The following SLC25A51 variants were observed in gnomAD, a reference collection of about 807,000 sequenced individuals.
SLC25A51 encodes the protein mitochondrial nicotinamide adenine dinucleotide transporter SLC25A51.
A neutral mutation model predicts 19.1 loss-of-function variants in SLC25A51; 11 were observed. The ratio of observed to expected loss-of-function variants is 0.58; its 90% CI spans 0.36 to 0.96. SLC25A51 has a LOEUF of 0.96. Ranked by LOEUF, SLC25A51 falls within the 40% of genes least tolerant of loss-of-function variation. The probability of loss-of-function intolerance (pLI) is 0.01; values close to 1 mark genes in which losing one functional copy is unlikely to be tolerated. For missense variants in SLC25A51, 201 were observed against 365.4 expected (o/e 0.55, Z 3.67); for synonymous variants, 105 against 133.6 (o/e 0.79, Z 1.47).
downstream of SLC25A51, among the ~76,000 whole-genome samples, chr9:37,884,638 A>G (rs1199941708): frequency 6.6e-6 from 1 of 152,216 alleles, no homozygotes; most frequent in Admixed American, 6.5e-5. Context: ...GAGAGTTTTA[A>G]GAGAACAGGA....
At chr9:37,883,027 T>A (rs976108182), downstream of SLC25A51, among the ~76,000 whole-genome samples, 3 of 152,194 alleles carry the variant, frequency 2.0e-5, no homozygotes, top group African/African-American at 7.2e-5. Context: ...GTATTTTTAG[T>A]AGAGATGGGG....
chr9:37,891,812 G>A (rs1831593006), intron 2 of SLC25A51, among the ~76,000 whole-genome samples: 1 of 137,214 alleles, frequency 7.3e-6, no homozygotes, highest in South Asian at 2.3e-4. Context: ...CTATGACCCT[G>A]CCAAATCCCC....
chr9:37,896,282 A>C (rs1200518822), intron 2 of SLC25A51, among the ~76,000 whole-genome samples: 1 of 152,044 alleles, frequency 6.6e-6, no homozygotes, highest in Non-Finnish European at 1.5e-5. Flanking sequence ...CTTTTCCACA[A>C]AGAGCCTGGT....
chr9:37,895,519 G>A (rs1342912896), intron 2 of SLC25A51, among the ~76,000 whole-genome samples: 1 of 151,948 alleles, frequency 6.6e-6, no homozygotes, highest in Non-Finnish European at 1.5e-5. Flanking sequence ...TTTTGAATAT[G>A]ATTCCCCATC....
chr9:37,898,221 G>A (rs1266869610), intron 2 of SLC25A51, among the ~76,000 whole-genome samples: 1 of 152,078 alleles, frequency 6.6e-6, no homozygotes, highest in East Asian at 1.9e-4. Flanking sequence ...GACCAACCTG[G>A]CCAACATGGC....
downstream of SLC25A51, chr9:37,885,871 C>T (rs539961506): frequency 1.5e-5 from 24 of 1,589,960 alleles, no homozygotes; most frequent in East Asian, 2.2e-4. Context: ...TTCCTGATGA[C>T]GTGCAAACCC....
At chr9:37,881,166 A>T (rs1831341317) in intron 3 of SLC25A51, among the ~76,000 whole-genome samples, 1 of 151,784 alleles carries the variant, frequency 6.6e-6, no homozygotes, top group Non-Finnish European at 1.5e-5. Flanking sequence ...ATGAGCTACA[A>T]CAGAAAGGAG....
At position 37,888,086 on chromosome 9, in the gene SLC25A51, G is replaced by C; in HGVS notation, c.465C>G (p.Thr155=). ...GTGCCTTGAAAGCCTGGTAAGTGTT[G>C]GTAAATTTGTCATGATGCTTGTGGT... ...LQDHKHHDKF[T]NTYQAFKALK... The change falls in exon 3 of 3, where the codon ACC becomes ACG. Residue 155 remains threonine, a synonymous_variant. Transcript: ENST00000242275. 1 of 1,613,904 alleles carries C rather than the reference G, an allele frequency of 6.2e-7. No homozygotes were observed. The highest frequency in any genetic ancestry group is 8.5e-7 in the Non-Finnish European group (1 of 1,179,860).
rs188449115 is a variant in SLC25A51, at chr9:37,888,630, T to C, written c.-42-38A>G. On this transcript the variant is annotated intron_variant, in intron 2 of 2. Coordinates refer to ENST00000242275, the MANE Select transcript of SLC25A51 (RefSeq NM_033412.4). ...AATGACAACGGGTAAACCCGTTTTA[T>C]AGAGAGCTAAACACATGGGCTTTCT... 1.6e-5 allele frequency: 23 copies of C among 1,476,522 alleles called. No individual in the cohort carries two copies. The African/African-American group carries it at 2.8e-4, about 18-fold the overall frequency. The allele number at this position is 1,476,522 out of a possible 1,614,324, so 91.5% of individuals were successfully genotyped here.
At chr9:37,884,278 T>A (rs1284381116), downstream of SLC25A51, among the ~76,000 whole-genome samples, 2 of 152,258 alleles carry the variant, frequency 1.3e-5, no homozygotes, top group Admixed American at 6.5e-5. Flanking sequence ...CTTTTCTAAT[T>A]CTTTTGACAA....
intron 2 of SLC25A51, among the ~76,000 whole-genome samples, chr9:37,898,283 C>A (rs573764784): frequency 3.9e-5 from 6 of 152,084 alleles, no homozygotes; most frequent in African/African-American, 9.7e-5. Context: ...TGGCCGGGTG[C>A]GGTGGCTCAC....
intron 1 of SLC25A51, 180 bp downstream of exon 1, chr9:37,903,888 C>T (rs938988375): frequency 1.3e-5 from 2 of 152,280 alleles, no homozygotes; most frequent in South Asian, 2.1e-4. Context: ...AGAACTGATT[C>T]CGCCCGCGCC....
At chr9:37,896,193 G>T (rs780821767) in intron 2 of SLC25A51, among the ~76,000 whole-genome samples, 1 of 152,166 alleles carries the variant, frequency 6.6e-6, no homozygotes, top group Non-Finnish European at 1.5e-5. Context: ...CAACATCACT[G>T]ATGACTGAAC....
At chr9:37,886,545 T>C (rs1587156259), downstream of SLC25A51, among the ~76,000 whole-genome samples, 1 of 152,228 alleles carries the variant, frequency 6.6e-6, no homozygotes, top group East Asian at 1.9e-4. Context: ...ATCTAGGGAA[T>C]TGTCAGGCAC....
At chr9:37,902,729 A>T (rs1831874473) in intron 1 of SLC25A51, among the ~76,000 whole-genome samples, 1 of 152,254 alleles carries the variant, frequency 6.6e-6, no homozygotes, top group African/African-American at 2.4e-5. Flanking sequence ...ATCATAAGGG[A>T]GCAGTTAATG....
chr9:37,891,323 C>T (rs1047307145), intron 2 of SLC25A51, among the ~76,000 whole-genome samples: 12 of 152,150 alleles, frequency 7.9e-5, no homozygotes, highest in Non-Finnish European at 1.3e-4. Context: ...AGTGAGGAGC[C>T]CCTCTGCCCG....
chr9:37,883,064 C>G (rs552440539), downstream of SLC25A51, among the ~76,000 whole-genome samples: 5 of 152,312 alleles, frequency 3.3e-5, no homozygotes, highest in African/African-American at 1.2e-4. Context: ...AGGCTGGTCT[C>G]AAACTTCTGA....
At chr9:37,895,048 CT>C (rs1056545354) in intron 2 of SLC25A51, among the ~76,000 whole-genome samples, 3 of 152,126 alleles carry the variant, frequency 2.0e-5, no homozygotes, top group Non-Finnish European at 4.4e-5. Flanking sequence ...GATTCCATGT[CT>C]TTGCTACTGT....
chr9:37,884,734 G>C (rs961945092), downstream of SLC25A51, among the ~76,000 whole-genome samples: 18 of 152,112 alleles, frequency 1.2e-4, no homozygotes, highest in African/African-American at 4.1e-4. Flanking sequence ...AAGAAACCAA[G>C]CTAACCAGAA....
Sources: gnomAD v4.1 joint callset for allele counts (sites outside exome capture counted in the v4.1 genomes callset) on GRCh38, gnomAD v4.1.1 for gene constraint, MANE v1.5 for transcripts, NCBI Gene and HGNC (gene_info 2026-07-23, HGNC 2026-07-21) for gene names.